The following MYO9A variants were observed in gnomAD, a reference collection of about 807,000 sequenced individuals.
MYO9A encodes myosin IXA.
Under a neutral mutation model 293.3 loss-of-function variants are expected in MYO9A, and 103 were observed. The observed-to-expected ratio is 0.35, with a 90% CI of 0.30 to 0.41. The LOEUF (loss-of-function observed/expected upper bound fraction) is 0.41, where lower values mean the gene tolerates loss of function less well. Ranked by LOEUF, MYO9A falls within the 10% of genes least tolerant of loss-of-function variation. MYO9A has a pLI of 1.00. For missense variants in MYO9A, 2,685 were observed against 3,033.0 expected (o/e 0.89, Z 2.69); for synonymous variants, 1,001 against 1,035.7 (o/e 0.97, Z 0.64).
chr15:71,867,798 T>TCACACA lies in MYO9A; in HGVS notation c.5980-5193_5980-5188dup, dbSNP rs57300333. Among the ~76,000 whole-genome samples, 241 of 127,622 alleles carry TCACACA rather than the reference T, an allele frequency of 1.9e-3. 1 individual carries two copies. The highest frequency in any genetic ancestry group is 3.8e-3 in the Middle Eastern group (1 of 262). 83.7% of individuals were successfully genotyped at this position (127,622 alleles called of 152,430 possible). Reference sequence around the variant, plus strand: ...CACTAATTTCAATTCTGGGAATCCATCACACACACACACACACACACACAC... The same window carrying TCACACA: ...CACTAATTTCAATTCTGGGAATCCATCACACACACACACACACACACACACACACAC... On this transcript the variant is annotated intron_variant, in intron 32 of 41. Coordinates refer to ENST00000356056, the MANE Select transcript of MYO9A (RefSeq NM_006901.4).
rs760130061 is a variant in MYO9A, at chr15:71,826,634, G to C, written c.7593C>G (p.Asp2531Glu). The C allele has an allele frequency of 2.5e-6, 4 of 1,612,332 alleles. No individual in the cohort carries two copies. In the East Asian group the frequency reaches 8.9e-5, roughly 36 times the overall value. ...GTGCTAGCTGTTGGTTGGAGGTGCA[G>C]TCTGGGTCCACAGTTTTTCTGCGGC... ...MSGRRKTVDPDCTSNQQLALF... is the reference protein window; with the variant it reads ...MSGRRKTVDPECTSNQQLALF... The change falls in exon 42 of 42, where the codon GAC (aspartate) becomes GAG (glutamate). Residue 2531 changes from aspartate to glutamate, a missense_variant. This residue lies in a region of MYO9A where 350 missense variants were observed against 328.9 expected (regional missense o/e 1.06). Coordinates refer to ENST00000356056, the MANE Select transcript of MYO9A (RefSeq NM_006901.4).
intron 1 of MYO9A, among the ~76,000 whole-genome samples, chr15:72,082,348 G>C (rs1196836618): frequency 1.3e-5 from 2 of 152,150 alleles, no homozygotes; most frequent in Non-Finnish European, 2.9e-5. Flanking sequence ...TGGTGTATTG[G>C]AATGCTAGTG....
At chr15:71,979,108 A>G (rs1596315208) in intron 11 of MYO9A, among the ~76,000 whole-genome samples, 1 of 152,024 alleles carries the variant, frequency 6.6e-6, no homozygotes. Flanking sequence ...GCAAATAGTG[A>G]TTTTGAAATT....
intron 1 of MYO9A, among the ~76,000 whole-genome samples, chr15:72,092,634 A>G (rs1240699079): frequency 6.6e-6 from 1 of 152,174 alleles, no homozygotes; most frequent in Non-Finnish European, 1.5e-5. Flanking sequence ...AGGCAATATG[A>G]TCTCTGTTGT....
chr15:71,862,275 C>T (rs2056167327), intron 33 of MYO9A, among the ~76,000 whole-genome samples: 1 of 152,046 alleles, frequency 6.6e-6, no homozygotes, highest in South Asian at 2.1e-4. Flanking sequence ...TGGGACAAGA[C>T]CATTTTAGAC....
chr15:71,954,466 G>C (rs1044791530), intron 14 of MYO9A, among the ~76,000 whole-genome samples: 2 of 152,222 alleles, frequency 1.3e-5, no homozygotes, highest in Non-Finnish European at 2.9e-5. Flanking sequence ...GGCCTCCAAA[G>C]TGCTGGGATT....
intron 19 of MYO9A, among the ~76,000 whole-genome samples, chr15:71,910,489 G>C (rs549249691): frequency 1.3e-4 from 19 of 151,978 alleles, no homozygotes; most frequent in Non-Finnish European, 2.6e-4. Flanking sequence ...TGAGTATTTC[G>C]TTGTTTCCAG....
chr15:71,825,485 T>TTAGTTAGA lies in MYO9A; in HGVS notation c.*1094_*1095insTCTAACTA, dbSNP rs1567168834. On this transcript the variant is annotated 3_prime_UTR_variant, in exon 42 of 42. Coordinates refer to ENST00000356056, the MANE Select transcript of MYO9A (RefSeq NM_006901.4). The stretch of plus-strand genomic sequence containing the variant: ...GAAAAGGAAGATAAAAGTTAGTTAG[T>TTAGTTAGA]TAGATAGGTCATATTAAAAACCTTT... The TTAGTTAGA allele has an allele frequency of 6.6e-6, 1 of 152,198 alleles. No homozygotes were observed. The highest frequency in any genetic ancestry group is 2.4e-5 in the African/African-American group (1 of 41,436). The allele number at this position is 152,198 out of a possible 1,614,324, so 9.4% of individuals were successfully genotyped here. A position where few individuals can be genotyped will look rare whatever the true frequency, so the allele number is the denominator to read the frequency against.
At chr15:71,866,159 G>A (rs1471436495) in intron 32 of MYO9A, among the ~76,000 whole-genome samples, 2 of 152,090 alleles carry the variant, frequency 1.3e-5, no homozygotes, top group Non-Finnish European at 2.9e-5. Flanking sequence ...GGAAAATGAT[G>A]TTTTATTATT....
At chr15:71,964,160 A>C (rs562704892) in intron 13 of MYO9A, among the ~76,000 whole-genome samples, 1 of 151,990 alleles carries the variant, frequency 6.6e-6, no homozygotes, top group African/African-American at 2.4e-5. Flanking sequence ...TTATATTATC[A>C]GTTATTTTCC....
In MYO9A at chr15:72,005,595, G is replaced by C. The variant is rs939272219; in HGVS notation, c.1380+2231C>G. On this transcript the variant is annotated intron_variant, in intron 8 of 41. Coordinates refer to ENST00000356056, the MANE Select transcript of MYO9A (RefSeq NM_006901.4). Reference sequence around the variant, plus strand: ...CATCTCCTGGTAGAACTTCTTTCCAGTAAGTCTAGTTCCAATTCAAGGTAC... The same window carrying C: ...CATCTCCTGGTAGAACTTCTTTCCACTAAGTCTAGTTCCAATTCAAGGTAC... Among the ~76,000 whole-genome samples the C allele has an allele frequency of 3.3e-5, 5 of 152,100 alleles. 1 individual carries two copies. In the East Asian group the frequency reaches 9.6e-4, roughly 29 times the overall value.
intron 18 of MYO9A, among the ~76,000 whole-genome samples, chr15:71,929,179 CTTT>C (rs1264437006): frequency 6.6e-6 from 1 of 151,912 alleles, no homozygotes; most frequent in Admixed American, 6.6e-5. Context: ...GTTCTAACAG[CTTT>C]TTAGTGGGGT....
chr15:72,091,980 T>G (rs1191664893), intron 1 of MYO9A, among the ~76,000 whole-genome samples: 1 of 152,212 alleles, frequency 6.6e-6, no homozygotes, highest in Admixed American at 6.5e-5. Context: ...CCTCCCAAAG[T>G]GCTGGGATTA....
At chr15:71,840,384 AG>A (rs2055105118) in intron 39 of MYO9A, among the ~76,000 whole-genome samples, 1 of 152,204 alleles carries the variant, frequency 6.6e-6, no homozygotes, top group Non-Finnish European at 1.5e-5. Flanking sequence ...GGATGATCTT[AG>A]GCTCTCTGCA....
Position 72,047,774 on chromosome 15 carries a change from C to CTTTTTTTTT in MYO9A, c.-71-1149_-71-1141dup, listed in dbSNP as rs11397735. On this transcript the variant is annotated intron_variant, in intron 1 of 41. Coordinates refer to ENST00000356056, the MANE Select transcript of MYO9A (RefSeq NM_006901.4). ...AAGAAGAAATACTTTCAGTTACTTC[C>CTTTTTTTTT]TTTTTTTTTTTTTTTTTTTTTGAGA... is the stretch of plus-strand genomic sequence containing the variant. Among the ~76,000 whole-genome samples the CTTTTTTTTT allele has an allele frequency of 8.7e-4, 65 of 74,390 alleles. 7 individuals carry two copies. The highest frequency in any genetic ancestry group is 1.5e-3 in the East Asian group (3 of 2,052). 48.8% of individuals were successfully genotyped at this position (74,390 alleles called of 152,430 possible). A position where few individuals can be genotyped will look rare whatever the true frequency, so the allele number is the denominator to read the frequency against.
chr15:71,830,417 A>C, intron 39 of MYO9A, 106 bp from the exon 40 acceptor site: 2 of 1,065,100 alleles, frequency 1.9e-6, no homozygotes, highest in Non-Finnish European at 2.8e-6. Flanking sequence ...GTGAATGATA[A>C]GAATAAATGG....
rs1410444739 is a variant in MYO9A at position 71,947,162 on chromosome 15, G to GT, written c.2302+4614dup. 1.6e-4 allele frequency among the ~76,000 whole-genome samples: 24 copies of GT among 151,926 alleles called. 1 individual carries two copies. Among genetic ancestry groups the GT allele is most frequent in the Middle Eastern group, 6.8e-3 (2 of 294 alleles). ...AGTAAAATGGTGGCATGCACCTGTAGTCCGAGGTGCTTGGGAGGCTAAGGC... is the reference window on the plus strand; with the variant it reads ...AGTAAAATGGTGGCATGCACCTGTAGTTCCGAGGTGCTTGGGAGGCTAAGGC... On this transcript the variant is annotated intron_variant, in intron 15 of 41. Transcript: ENST00000356056.
In MYO9A at chr15:71,897,634, T is replaced by G; in HGVS notation, c.4869A>C (p.Thr1623=). Residue 1623 remains threonine (T), a synonymous_variant, in exon 25 of 42, where the codon ACA becomes ACC. Coordinates refer to ENST00000356056, the MANE Select transcript of MYO9A (RefSeq NM_006901.4). ...QSSTVKELSK[T]DRMGTQLNVA... ...CATTCAGCTGGGTGCCCATTCTGTCTGTCTTGGATAATTCCTTGACAGTAC... is the reference window on the plus strand; with the variant it reads ...CATTCAGCTGGGTGCCCATTCTGTCGGTCTTGGATAATTCCTTGACAGTAC... 6.2e-7 allele frequency: 1 copy of G among 1,614,194 alleles called. No individual in the cohort carries two copies. Among genetic ancestry groups the G allele is most frequent in the Non-Finnish European group, 8.5e-7 (1 of 1,180,030 alleles).
chr15:71,919,772 GC>G (rs1419632842), intron 18 of MYO9A, among the ~76,000 whole-genome samples: 1 of 144,334 alleles, frequency 6.9e-6, no homozygotes, highest in Non-Finnish European at 1.5e-5. Context: ...AACCCAGGAG[GC>G]AGAGGTTGAA....
Sources: allele counts gnomAD v4.1 joint callset (sites outside exome capture counted in the v4.1 genomes callset), GRCh38; gene constraint gnomAD v4.1.1; regional missense constraint gnomAD v4.1.1; transcripts MANE v1.5; gene names NCBI Gene and HGNC (gene_info 2026-07-23, HGNC 2026-07-21).